The following TMEM132D variants were observed in gnomAD, a reference collection of about 807,000 sequenced individuals.
The protein encoded by TMEM132D is mature OL transmembrane protein.
A neutral mutation model predicts 62.3 loss-of-function variants in TMEM132D; 21 were observed. That is an observed-to-expected ratio of 0.34 (90% confidence interval 0.24 to 0.49). The LOEUF is 0.49. Among genes scored for constraint, TMEM132D ranks in the 20% least tolerant of loss-of-function variants. TMEM132D has a pLI of 0.99. For synonymous variants in TMEM132D, 621 were observed against 575.6 expected (o/e 1.08, Z -1.13); for missense variants, 1,346 against 1,402.8 (o/e 0.96, Z 0.65).
At position 129,903,242 on chromosome 12, in the gene TMEM132D, G is replaced by C; in HGVS notation, c.79+19C>G. 1 of 1,551,514 alleles carries C rather than the reference G, an allele frequency of 6.4e-7. No individual in the cohort carries two copies. ...AGGCGAAGTTAGTCCCCGGGCCCTG[G>C]CGGCCGCGGCGTCCTCACCTTTGGA... On this transcript the variant is annotated intron_variant, in intron 1 of 8. Transcript: ENST00000422113. The surrounding 1 kb of genome is among the most constrained non-coding windows in gnomAD (Gnocchi z 6.2).
chr12:129,639,174 G>A (rs1879577751), intron 2 of TMEM132D, among the ~76,000 whole-genome samples: 1 of 151,968 alleles, frequency 6.6e-6, no homozygotes, highest in Admixed American at 6.6e-5. Context: ...CTTGAGGTCA[G>A]GAGTTTGAGA....
At chr12:129,865,998 G>C (rs77420239) in intron 1 of TMEM132D, among the ~76,000 whole-genome samples, 1 of 152,124 alleles carries the variant, frequency 6.6e-6, no homozygotes, top group East Asian at 1.9e-4. Context: ...ACATCGTTAA[G>C]TTTGGTGTTT....
intron 1 of TMEM132D, among the ~76,000 whole-genome samples, chr12:129,798,064 C>T (rs1871617662): frequency 6.6e-6 from 1 of 151,984 alleles, no homozygotes. Context: ...CACCCTCCTC[C>T]TCTCTCTCTC....
intron 1 of TMEM132D, among the ~76,000 whole-genome samples, chr12:129,773,409 G>A (rs1042876835): frequency 2.6e-4 from 39 of 152,112 alleles, no homozygotes; most frequent in African/African-American, 8.5e-4. Flanking sequence ...TGGTGGTGGT[G>A]ATTTCAGTGG....
At chr12:129,374,298 T>G in intron 3 of TMEM132D, among the ~76,000 whole-genome samples, 1 of 49,518 alleles carries the variant, frequency 2.0e-5, no homozygotes, top group East Asian at 4.8e-4. Flanking sequence ...AGAGAGAGAT[T>G]GCCCCTTCTA....
intron 5 of TMEM132D, among the ~76,000 whole-genome samples, chr12:129,192,937 G>A (rs939905803): frequency 3.4e-4 from 52 of 152,126 alleles, no homozygotes; most frequent in Non-Finnish European, 5.3e-4. Flanking sequence ...TTGGGAGGCC[G>A]AGGCGGGCGG....
At chr12:129,319,759 T>C (rs1306173299) in intron 4 of TMEM132D, among the ~76,000 whole-genome samples, 3 of 152,202 alleles carry the variant, frequency 2.0e-5, no homozygotes, top group Admixed American at 6.5e-5. Flanking sequence ...ACCCTTGGTA[T>C]TCCGCAGAAG....
At chr12:129,756,534 G>A (rs997489961) in intron 1 of TMEM132D, among the ~76,000 whole-genome samples, 4 of 152,156 alleles carry the variant, frequency 2.6e-5, no homozygotes, top group African/African-American at 9.7e-5. Flanking sequence ...GTCGTAAACA[G>A]GGAGTTTATG....
chr12:129,732,954 T>A (rs1198796671), intron 1 of TMEM132D, among the ~76,000 whole-genome samples: 1 of 152,168 alleles, frequency 6.6e-6, no homozygotes, highest in African/African-American at 2.4e-5. Flanking sequence ...AAGTGTCCCA[T>A]CTGGGAAACA....
chr12:129,175,401 G>A (rs189647696), intron 5 of TMEM132D, among the ~76,000 whole-genome samples: 36 of 152,246 alleles, frequency 2.4e-4, no homozygotes, highest in East Asian at 5.8e-4. Flanking sequence ...CTGGTATTGC[G>A]TATGTCACTT....
intron 2 of TMEM132D, among the ~76,000 whole-genome samples, chr12:129,663,170 A>C (rs1880286393): frequency 6.7e-6 from 1 of 150,136 alleles, no homozygotes; most frequent in African/African-American, 2.5e-5. Context: ...ATGGAGTTTC[A>C]CTCATTACCC....
intron 5 of TMEM132D, among the ~76,000 whole-genome samples, chr12:129,155,591 G>A (rs1237582220): frequency 6.6e-6 from 1 of 152,192 alleles, no homozygotes; most frequent in Non-Finnish European, 1.5e-5. Flanking sequence ...TTGAGGCTGG[G>A]AAGCCCAATA....
At chr12:129,383,266 C>A (rs1348818343) in intron 3 of TMEM132D, among the ~76,000 whole-genome samples, 4 of 152,158 alleles carry the variant, frequency 2.6e-5, no homozygotes, top group African/African-American at 4.8e-5. Flanking sequence ...ACCCAGAATG[C>A]CTCACTGCAA....
At chr12:129,600,134 C>A (rs1424785817) in intron 2 of TMEM132D, among the ~76,000 whole-genome samples, 3 of 152,262 alleles carry the variant, frequency 2.0e-5, no homozygotes, top group Non-Finnish European at 4.4e-5. Context: ...GTTGCTTTAT[C>A]AAATCAGTCT....
chr12:129,730,627 C>T (rs543486236), intron 1 of TMEM132D, among the ~76,000 whole-genome samples: 7 of 151,544 alleles, frequency 4.6e-5, no homozygotes, highest in South Asian at 2.1e-4. Flanking sequence ...TGGGTGTGTC[C>T]GTGAGGGTGT....
intron 1 of TMEM132D, among the ~76,000 whole-genome samples, chr12:129,718,701 A>T (rs1389286949): frequency 6.6e-6 from 1 of 152,216 alleles, no homozygotes; most frequent in East Asian, 1.9e-4. Context: ...ATAGGTTAAA[A>T]AAATGATAAC....
chr12:129,644,889 G>A (rs1451031229), intron 2 of TMEM132D, among the ~76,000 whole-genome samples: 4 of 146,394 alleles, frequency 2.7e-5, no homozygotes, highest in African/African-American at 1.0e-4. Flanking sequence ...GGGAGGCTGA[G>A]TCAAGAGAAT....
intron 2 of TMEM132D, among the ~76,000 whole-genome samples, chr12:129,690,785 C>A (rs1466274417): frequency 6.6e-6 from 1 of 152,108 alleles, no homozygotes; most frequent in African/African-American, 2.4e-5. Context: ...ACTGATAGAT[C>A]AAACAGGCAG....
intron 3 of TMEM132D, among the ~76,000 whole-genome samples, chr12:129,429,321 T>C (rs535346532): frequency 6.6e-6 from 1 of 152,294 alleles, no homozygotes; most frequent in South Asian, 2.1e-4. Context: ...ACCACTCTAG[T>C]AGTGTAAGCA....
Sources: allele counts gnomAD v4.1 joint callset (sites outside exome capture counted in the v4.1 genomes callset), GRCh38; gene constraint gnomAD v4.1.1; non-coding constraint Gnocchi (gnomAD v3.1); transcripts MANE v1.5; gene names NCBI Gene and HGNC (gene_info 2026-07-23, HGNC 2026-07-21).